The following LRCH1 variants were observed in gnomAD, a reference collection of about 807,000 sequenced individuals.
LRCH1 encodes leucine-rich repeat and calponin homology domain-containing protein 1.
Under a neutral mutation model 94.9 loss-of-function variants are expected in LRCH1, and 23 were observed. The ratio of observed to expected loss-of-function variants is 0.24; its 90% confidence interval spans 0.17 to 0.34. The LOEUF is 0.34. Among genes scored for constraint, LRCH1 ranks in the 10% least tolerant of loss-of-function variants. LRCH1 has a pLI of 1.00. For synonymous variants in LRCH1, 364 were observed against 354.9 expected (o/e 1.03, Z -0.29); for missense variants, 790 against 945.9 (o/e 0.84, Z 2.16).
At chr13:46,658,172 G>A (rs1467866234) in intron 2 of LRCH1, among the ~76,000 whole-genome samples, 1 of 152,126 alleles carries the variant, frequency 6.6e-6, no homozygotes, top group East Asian at 1.9e-4. Context: ...TTCTACTGTA[G>A]CTATAATTGG....
chr13:46,675,832 C>G (rs2051665269), intron 3 of LRCH1, among the ~76,000 whole-genome samples: 1 of 152,148 alleles, frequency 6.6e-6, no homozygotes, highest in African/African-American at 2.4e-5. Flanking sequence ...TTCTGAAGAG[C>G]AGTGGGGTAG....
chr13:46,730,652 A>G (rs1378681420), intron 18 of LRCH1, among the ~76,000 whole-genome samples: 1 of 152,222 alleles, frequency 6.6e-6, no homozygotes, highest in Non-Finnish European at 1.5e-5. Context: ...TTCTTTTACA[A>G]ATCTACCTCT....
At chr13:46,694,014 C>T (rs1031918737) in intron 8 of LRCH1, among the ~76,000 whole-genome samples, 1 of 152,196 alleles carries the variant, frequency 6.6e-6, no homozygotes, top group Non-Finnish European at 1.5e-5. Flanking sequence ...CTGAGATTAT[C>T]ATGGGAACCA....
chr13:46,602,805 T>C (rs1356122797), intron 1 of LRCH1, among the ~76,000 whole-genome samples: 2 of 152,080 alleles, frequency 1.3e-5, no homozygotes, highest in East Asian at 3.9e-4. Context: ...ATACACAAAT[T>C]AGCTGACTGC....
At chr13:46,690,108 AT>A (rs1229954689) in intron 7 of LRCH1, among the ~76,000 whole-genome samples, 1 of 152,180 alleles carries the variant, frequency 6.6e-6, no homozygotes, top group African/African-American at 2.4e-5. Context: ...AAGTCGTTGA[AT>A]TTTAATAGGT....
intron 1 of LRCH1, among the ~76,000 whole-genome samples, chr13:46,646,051 A>G (rs527896172): frequency 6.6e-6 from 1 of 152,304 alleles, no homozygotes; most frequent in East Asian, 1.9e-4. Flanking sequence ...CAAGACCACT[A>G]TGTCTAGTAA....
chr13:46,717,352 A>G (rs928423807), intron 16 of LRCH1: 4 of 152,238 alleles, frequency 2.6e-5, no homozygotes, highest in African/African-American at 9.6e-5. Context: ...TCTATGAGTA[A>G]AAATTCCAAG....
At chr13:46,745,721 AG>A (rs1245135495), downstream of LRCH1, among the ~76,000 whole-genome samples, 12 of 152,362 alleles carry the variant, frequency 7.9e-5, no homozygotes, top group African/African-American at 2.9e-4. Flanking sequence ...AAGCTCAAAC[AG>A]TGTAGTGCCA....
At chr13:46,664,993 A>G (rs915776397) in intron 2 of LRCH1, among the ~76,000 whole-genome samples, 126 of 152,298 alleles carry the variant, frequency 8.3e-4, no homozygotes, top group African/African-American at 3.0e-3. Context: ...GGTTTTTACA[A>G]TTGGTGACTT....
intron 1 of LRCH1, among the ~76,000 whole-genome samples, chr13:46,580,609 C>T (rs540397374): frequency 6.6e-6 from 1 of 152,326 alleles, no homozygotes; most frequent in African/African-American, 2.4e-5. Context: ...CCTTTTGTAG[C>T]AGGGCTTGTA....
intron 1 of LRCH1, among the ~76,000 whole-genome samples, chr13:46,617,220 G>A (rs2050820667): frequency 6.6e-6 from 1 of 152,162 alleles, no homozygotes. Flanking sequence ...CTTTGGATGG[G>A]AATAGCCCTG....
intron 1 of LRCH1, among the ~76,000 whole-genome samples, chr13:46,560,272 A>G (rs1405606899): frequency 6.6e-6 from 1 of 152,028 alleles, no homozygotes; most frequent in Admixed American, 6.6e-5. Context: ...CAGAAATGCT[A>G]TTATTAACTC....
chr13:46,584,214 A>G (rs764687646), intron 1 of LRCH1, among the ~76,000 whole-genome samples: 1 of 152,174 alleles, frequency 6.6e-6, no homozygotes, highest in Non-Finnish European at 1.5e-5. Flanking sequence ...GCTTTCTCCC[A>G]GGAAATCTAA....
intron 1 of LRCH1, among the ~76,000 whole-genome samples, chr13:46,581,310 C>T (rs2050362452): frequency 1.3e-5 from 2 of 152,092 alleles, no homozygotes; most frequent in Admixed American, 1.3e-4. Context: ...GTTAAGTGAG[C>T]CTGGAGCAGT....
intron 3 of LRCH1, among the ~76,000 whole-genome samples, chr13:46,675,355 T>G (rs1395472971): frequency 6.6e-6 from 1 of 152,200 alleles, no homozygotes; most frequent in East Asian, 1.9e-4. Flanking sequence ...AGAGATGTTT[T>G]TTTTTCAATT....
At chr13:46,738,636 T>C (rs1873506301) in intron 19 of LRCH1, among the ~76,000 whole-genome samples, 1 of 152,212 alleles carries the variant, frequency 6.6e-6, no homozygotes, top group African/African-American at 2.4e-5. Context: ...CCCAAGTCAA[T>C]GACTTTAGTG....
At chr13:46,647,794 CTTTT>C (rs10718141) in intron 1 of LRCH1, among the ~76,000 whole-genome samples, 1 of 126,852 alleles carries the variant, frequency 7.9e-6, no homozygotes. Context: ...AGGTAGTCAT[CTTTT>C]TTTTTTTTTT....
chr13:46,702,416 C>T (rs113005467), intron 11 of LRCH1, among the ~76,000 whole-genome samples: 1,536 of 152,234 alleles, frequency 0.01, 13 homozygotes, highest in African/African-American at 0.035. Context: ...GCAGGAGAAT[C>T]GCTTGAGCCC....
At chr13:46,710,213 T>C (rs1197575121) in intron 13 of LRCH1, among the ~76,000 whole-genome samples, 1 of 152,110 alleles carries the variant, frequency 6.6e-6, no homozygotes, top group African/African-American at 2.4e-5. Context: ...CCTGAGCTTG[T>C]TTTAGGTGCT....
Sources: allele counts gnomAD v4.1 joint callset (sites outside exome capture counted in the v4.1 genomes callset), GRCh38; gene constraint gnomAD v4.1.1; transcripts MANE v1.5; gene names NCBI Gene and HGNC (gene_info 2026-07-23, HGNC 2026-07-21).